The following PTPRT variants were observed in gnomAD, a reference collection of about 807,000 sequenced individuals.
The protein encoded by PTPRT is protein tyrosine phosphatase receptor type T, also known as receptor-type tyrosine-protein phosphatase T.
A neutral mutation model predicts 176.8 loss-of-function variants in PTPRT; 56 were observed. The ratio of observed to expected loss-of-function variants is 0.32; its 90% CI spans 0.26 to 0.40. The LOEUF is 0.40. Among genes scored for constraint, PTPRT ranks in the 10% least tolerant of loss-of-function variants. The probability of loss-of-function intolerance (pLI) is 1.00; values close to 1 mark genes in which losing one functional copy is unlikely to be tolerated. For synonymous variants in PTPRT, 783 were observed against 739.0 expected, an observed-to-expected ratio of 1.06 and a Z score of -0.96; for missense variants, 1,540 against 1,908.2, an observed-to-expected ratio of 0.81 and a Z score of 3.60.
chr20:42,737,698 C>T (rs771005790), intron 6 of PTPRT, among the ~76,000 whole-genome samples: 3 of 151,754 alleles, frequency 2.0e-5, no homozygotes, highest in Non-Finnish European at 4.4e-5. Flanking sequence ...CCTACTGACA[C>T]TTGGACCTTG....
At chr20:42,428,371 G>A (rs2059185444) in intron 9 of PTPRT, among the ~76,000 whole-genome samples, 1 of 152,182 alleles carries the variant, frequency 6.6e-6, no homozygotes. Context: ...TTGAAAGTGA[G>A]AAACTTCATG....
chr20:42,045,270 A>ACCTT, the PTPRT span, among the ~76,000 whole-genome samples: 2 of 152,022 alleles, frequency 1.3e-5, no homozygotes, highest in African/African-American at 4.8e-5. Flanking sequence ...CTATTAAAGG[A>ACCTT]GGACCAAGAC....
chr20:42,385,314 A>G (rs2058734626), intron 9 of PTPRT, among the ~76,000 whole-genome samples: 1 of 152,196 alleles, frequency 6.6e-6, no homozygotes, highest in African/African-American at 2.4e-5. Flanking sequence ...GACAACATAG[A>G]TGAACCTGGA....
intron 7 of PTPRT, among the ~76,000 whole-genome samples, chr20:42,600,737 T>C (rs77705978): frequency 1.3e-5 from 2 of 152,324 alleles, no homozygotes; most frequent in East Asian, 3.9e-4. Context: ...AGTCATTTCA[T>C]TTAAAACAAT....
intron 13 of PTPRT, among the ~76,000 whole-genome samples, chr20:42,253,445 A>C (rs1600732035): frequency 1.3e-5 from 2 of 152,094 alleles, no homozygotes; most frequent in East Asian, 3.9e-4. Context: ...CCTTTCCATG[A>C]GAGTCAGGCT....
intron 13 of PTPRT, among the ~76,000 whole-genome samples, chr20:42,263,354 T>A (rs547393086): frequency 7.5e-5 from 11 of 147,368 alleles, no homozygotes; most frequent in Non-Finnish European, 1.3e-4. Flanking sequence ...GCCACAGGCA[T>A]GCGCTGCCAT....
At chr20:42,184,518 C>CCTCCTTCTTCTTCTTCTTCTT (rs1555797922) in intron 16 of PTPRT, among the ~76,000 whole-genome samples, 25 of 54,482 alleles carry the variant, frequency 4.6e-4, no homozygotes, top group Admixed American at 1.3e-3. Context: ...TCCTCCTCCT[C>CCTCCTTCTTCTTCTTCTTCTT]CTTCTTCTTC....
intron 6 of PTPRT, among the ~76,000 whole-genome samples, chr20:42,749,506 G>A (rs1354568756): frequency 6.6e-6 from 1 of 152,170 alleles, no homozygotes; most frequent in Non-Finnish European, 1.5e-5. Context: ...AGACAGCATG[G>A]CCAAGGCAAG....
intron 8 of PTPRT, among the ~76,000 whole-genome samples, chr20:42,464,409 G>A (rs1359570201): frequency 6.6e-6 from 1 of 152,150 alleles, no homozygotes; most frequent in Non-Finnish European, 1.5e-5. Context: ...AGCGGTAGAG[G>A]TTTTGGCCAG....
intron 18 of PTPRT, 78 bp downstream of exon 18, chr20:42,141,837 A>G: frequency 7.7e-7 from 1 of 1,290,614 alleles, no homozygotes; most frequent in Non-Finnish European, 1.1e-6. Flanking sequence ...AACAAATTCC[A>G]GGTAAATAAT....
At chr20:42,797,572 T>C (rs2077470138) in intron 2 of PTPRT, among the ~76,000 whole-genome samples, 1 of 148,676 alleles carries the variant, frequency 6.7e-6, no homozygotes, top group African/African-American at 2.4e-5. Flanking sequence ...TCGGCCACTT[T>C]GTGGTAGACA....
intron 9 of PTPRT, among the ~76,000 whole-genome samples, chr20:42,406,522 C>T (rs572098365): frequency 6.6e-6 from 1 of 151,996 alleles, no homozygotes; most frequent in South Asian, 2.1e-4. Flanking sequence ...ATAAAAACCA[C>T]CTCAGGTCTA....
chr20:42,160,951 G>A (rs910371052), intron 17 of PTPRT, among the ~76,000 whole-genome samples: 1 of 152,140 alleles, frequency 6.6e-6, no homozygotes, highest in Non-Finnish European at 1.5e-5. Context: ...TCATTGGCAG[G>A]GGAGATGTGC....
At position 42,776,871 on chromosome 20, in the gene PTPRT, A is replaced by G. The variant is rs2077144898; in HGVS notation, c.568+3347T>C. Among the ~76,000 whole-genome samples, 3 of 149,558 alleles carry G rather than the reference A, an allele frequency of 2.0e-5. No homozygotes were observed. In the South Asian group the frequency reaches 6.2e-4, roughly 31 times the overall value. The stretch of plus-strand genomic sequence containing the variant: ...TAATGCTTGTACAATTATATAATAT[A>G]TAGATTATAATAATATAATCATATA... On this transcript the variant is annotated intron_variant, in intron 4 of 30. Transcript: ENST00000373187.
At chr20:42,243,766 C>G (rs908888520) in intron 14 of PTPRT, among the ~76,000 whole-genome samples, 13 of 152,172 alleles carry the variant, frequency 8.5e-5, no homozygotes, top group African/African-American at 2.9e-4. Context: ...GTTTCCACAT[C>G]AACTCTGCCC....
intron 18 of PTPRT, among the ~76,000 whole-genome samples, chr20:42,129,670 T>C (rs1388707109): frequency 6.6e-6 from 1 of 152,184 alleles, no homozygotes; most frequent in African/African-American, 2.4e-5. Context: ...TGCATCCTAG[T>C]TCACCTTCCT....
chr20:42,520,611 T>A (rs1011689034), intron 7 of PTPRT, among the ~76,000 whole-genome samples: 1 of 152,086 alleles, frequency 6.6e-6, no homozygotes, highest in Non-Finnish European at 1.5e-5. Context: ...GGTCATTGCA[T>A]CTACATGCTT....
At chr20:42,816,201 A>T (rs1434350446) in intron 2 of PTPRT, among the ~76,000 whole-genome samples, 1 of 152,212 alleles carries the variant, frequency 6.6e-6, no homozygotes, top group Non-Finnish European at 1.5e-5. Context: ...ATGAAATAAG[A>T]GAAGTTGATA....
chr20:43,002,292 G>A (rs867674716), intron 1 of PTPRT, among the ~76,000 whole-genome samples: 10 of 152,232 alleles, frequency 6.6e-5, no homozygotes, highest in Non-Finnish European at 1.2e-4. Flanking sequence ...TTATAGCAGT[G>A]TGAAAACGAA....
Sources: gnomAD v4.1 joint callset for allele counts (sites outside exome capture counted in the v4.1 genomes callset) on GRCh38, gnomAD v4.1.1 for gene constraint, MANE v1.5 for transcripts, NCBI Gene and HGNC (gene_info 2026-07-23, HGNC 2026-07-21) for gene names.